ESCO2: variants seen among roughly 807,000 people sequenced by gnomAD.
The protein encoded by ESCO2 is establishment of sister chromatid cohesion N-acetyltransferase 2.
ESCO2 carries 51 observed loss-of-function variants against 61.7 expected under a neutral mutation model. The observed-to-expected ratio is 0.83, with a 90% CI of 0.66 to 1.04. The LOEUF (loss-of-function observed/expected upper bound fraction) is 1.04, where lower values mean the gene tolerates loss of function less well. Ranked by LOEUF, ESCO2 falls within the 50% of genes least tolerant of loss-of-function variation. The pLI is 0.00. For synonymous variants in ESCO2, 230 were observed against 238.2 expected (o/e 0.97, Z 0.32); for missense variants, 692 against 686.2 (o/e 1.01, Z -0.09).
At chr8:27,789,354 C>A (rs528223350) in intron 7 of ESCO2, among the ~76,000 whole-genome samples, 1 of 152,284 alleles carries the variant, frequency 6.6e-6, no homozygotes, top group South Asian at 2.1e-4. Context: ...TATGATTGTA[C>A]CTGCTACTCA....
At chr8:27,777,364 G>C (rs1804818668) in intron 3 of ESCO2, 195 bp downstream of exon 3, 1 of 473,324 alleles carries the variant, frequency 2.1e-6, no homozygotes, top group Non-Finnish European at 3.6e-6. Flanking sequence ...GTAGTGCAGT[G>C]GCACACTGCT....
At chr8:27,772,577 A>G, upstream of ESCO2, 1 of 1,544,148 alleles carries the variant, frequency 6.5e-7, no homozygotes, top group East Asian at 2.5e-5. Flanking sequence ...ACCGCGGAGC[A>G]GCAGCGCTCA....
chr8:27,809,998 G>A (rs1805638167), downstream of ESCO2: 1 of 291,998 alleles, frequency 3.4e-6, no homozygotes, highest in African/African-American at 2.3e-5. Flanking sequence ...ATTAATAAAA[G>A]TAATGGTCAT....
At chr8:27,806,066 T>C (rs533989883), downstream of ESCO2, among the ~76,000 whole-genome samples, 1 of 152,312 alleles carries the variant, frequency 6.6e-6, no homozygotes, top group Non-Finnish European at 1.5e-5. Context: ...ATCTGCAATT[T>C]CGCTTCCCAC....
downstream of ESCO2, chr8:27,810,949 T>C: frequency 6.7e-7 from 1 of 1,485,758 alleles, no homozygotes; most frequent in Non-Finnish European, 9.4e-7. Context: ...TTAGAAATTG[T>C]ATTCATACCT....
intron 8 of ESCO2, 45 bp from the exon 9 acceptor site, chr8:27,792,623 G>T (rs1228140599): frequency 6.3e-7 from 1 of 1,581,536 alleles, no homozygotes; most frequent in Non-Finnish European, 8.6e-7. Flanking sequence ...AGTTTCTATT[G>T]TACTTTTTAA....
At chr8:27,785,254 C>T (rs904046208) in intron 5 of ESCO2, among the ~76,000 whole-genome samples, 2 of 152,190 alleles carry the variant, frequency 1.3e-5, no homozygotes, top group Admixed American at 1.3e-4. Context: ...GAAGGTGGAG[C>T]CATCATGAGC....
downstream of ESCO2, among the ~76,000 whole-genome samples, chr8:27,815,889 T>G (rs1805800596): frequency 6.6e-6 from 1 of 152,238 alleles, no homozygotes; most frequent in African/African-American, 2.4e-5. Context: ...GATGGATTGT[T>G]CTGACAACAA....
At chr8:27,802,512 C>CA (rs973299466) in intron 10 of ESCO2, among the ~76,000 whole-genome samples, 4 of 140,630 alleles carry the variant, frequency 2.8e-5, no homozygotes, top group African/African-American at 1.1e-4. Context: ...GAGGCTGAGG[C>CA]AGGAGAATCG....
Position 27,788,887 on chromosome 8 carries a change from C to T in ESCO2, c.1172C>T (p.Ser391Phe). 2 of 1,614,108 alleles carry T rather than the reference C, an allele frequency of 1.2e-6. No homozygotes were observed. The highest frequency in any genetic ancestry group is 1.3e-5 in the African/African-American group (1 of 75,032). The change falls in exon 7 of 11, where the codon TCT becomes TTT. Residue 391 changes from serine (S) to phenylalanine (F), a missense_variant. Coordinates refer to ENST00000305188, the MANE Select transcript of ESCO2 (RefSeq NM_001017420.3). ...CATTTTGGGGCTACTGTGTGCAAGT[C>T]TTGTGGTATGATATATACTGCTTCC... Reference protein sequence around the residue: ...QKHFGATVCKSCGMIYTASNP... With the variant: ...QKHFGATVCKFCGMIYTASNP...
chr8:27,792,054 T>C lies in ESCO2; in HGVS notation c.1353+2T>C, dbSNP rs1185123354. The C allele has an allele frequency of 6.2e-7, 1 of 1,613,960 alleles. No homozygotes were observed. The highest frequency in any genetic ancestry group is 1.7e-5 in the Admixed American group (1 of 60,012). ...GATCCAAGCTTTGCTATCAAAAAGG[T>C]ATGGAACATTATCTTTTTATCTCTT... On this transcript the variant is annotated splice_donor_variant, in intron 8 of 10. Coordinates refer to ENST00000305188, the MANE Select transcript of ESCO2 (RefSeq NM_001017420.3). LOFTEE classifies it high-confidence loss of function.
At chr8:27,811,104 G>A, downstream of ESCO2, 3 of 1,613,668 alleles carry the variant, frequency 1.9e-6, no homozygotes, top group Non-Finnish European at 2.5e-6. Context: ...CCATGGCTCT[G>A]TGCCAATGTA....
At position 27,775,507 on chromosome 8, in the gene ESCO2, T is replaced by C; in HGVS notation, c.-8T>C. On this transcript the variant is annotated 5_prime_UTR_variant, in exon 2 of 11. Coordinates refer to ENST00000305188, the MANE Select transcript of ESCO2 (RefSeq NM_001017420.3). ...ATTGTCATTTCTTTTAGGAATTCAA[T>C]AAAGAAAATGGCAGCTCTTACTCCA... The C allele has an allele frequency of 3.1e-6, 5 of 1,613,582 alleles. No individual in the cohort carries two copies. The highest frequency in any genetic ancestry group is 4.2e-6 in the Non-Finnish European group (5 of 1,179,482).
chr8:27,815,469 A>G (rs1805791762), downstream of ESCO2, among the ~76,000 whole-genome samples: 1 of 152,204 alleles, frequency 6.6e-6, no homozygotes, highest in South Asian at 2.1e-4. Flanking sequence ...AGCTCCTTAA[A>G]GGTTTTCCCC....
intron 10 of ESCO2, among the ~76,000 whole-genome samples, chr8:27,800,647 A>G (rs1325745105): frequency 6.6e-6 from 1 of 152,216 alleles, no homozygotes; most frequent in Admixed American, 6.5e-5. Flanking sequence ...AACCTTGCAC[A>G]TGAAGGTTCA....
At position 27,786,209 on chromosome 8, in the gene ESCO2, G is replaced by T. The variant is rs143602869; in HGVS notation, c.1014-1676G>T. On this transcript the variant is annotated intron_variant, in intron 5 of 10. Coordinates refer to ENST00000305188, the MANE Select transcript of ESCO2 (RefSeq NM_001017420.3). ...ACTATGGGACTGAACGAAGGTGGAC[G>T]AACGCAGAAATGAAGACAAAGACAA... Among the ~76,000 whole-genome samples the T allele has an allele frequency of 5.2e-3, 797 of 152,334 alleles. 3 individuals carry two copies. Among genetic ancestry groups the T allele is most frequent in the African/African-American group, 0.018 (747 of 41,580 alleles).
chr8:27,781,737 A>G (rs1804933332), intron 4 of ESCO2, among the ~76,000 whole-genome samples: 1 of 151,794 alleles, frequency 6.6e-6, no homozygotes, highest in Non-Finnish European at 1.5e-5. Context: ...ATTTTTGTTA[A>G]GATGGGGTTT....
chr8:27,798,820 C>T (rs1334309154), intron 9 of ESCO2, among the ~76,000 whole-genome samples: 1 of 152,164 alleles, frequency 6.6e-6, no homozygotes, highest in African/African-American at 2.4e-5. Context: ...ATAACATTCT[C>T]ATAGCCATGG....
the ESCO2 span, among the ~76,000 whole-genome samples, chr8:27,819,584 T>C: frequency 6.6e-6 from 1 of 152,110 alleles, no homozygotes; most frequent in Non-Finnish European, 1.5e-5. Context: ...AGACTATTCA[T>C]ACTTTTTATA....
Sources: allele counts gnomAD v4.1 joint callset (sites outside exome capture counted in the v4.1 genomes callset), GRCh38; gene constraint gnomAD v4.1.1; transcripts MANE v1.5; gene names NCBI Gene and HGNC (gene_info 2026-07-23, HGNC 2026-07-21).